Variants in ZNF442 observed in about 807,000 individuals in gnomAD.
ZNF442 encodes zinc finger protein 442.
A neutral mutation model predicts 57.0 loss-of-function variants in ZNF442; 45 were observed. That is an observed-to-expected ratio of 0.79 (90% CI 0.62 to 1.01). The LOEUF (loss-of-function observed/expected upper bound fraction) is 1.01. Ranked by LOEUF, ZNF442 falls within the 50% of genes least tolerant of loss-of-function variation. The pLI, the probability that ZNF442 is intolerant of heterozygous loss-of-function variation, is 0.00. For synonymous variants in ZNF442, 213 were observed against 241.8 expected (o/e 0.88, Z 1.10); for missense variants, 690 against 756.5 (o/e 0.91, Z 1.03).
At chr19:12,366,368 T>C (rs142859571), upstream of ZNF442, among the ~76,000 whole-genome samples, 1,007 of 152,280 alleles carry the variant, frequency 6.6e-3, 21 homozygotes, top group African/African-American at 0.023. Flanking sequence ...ATTTTCAAGC[T>C]TAGAAGGCAG....
At chr19:12,373,045 T>A in the ZNF442 span, among the ~76,000 whole-genome samples, 2 of 152,206 alleles carry the variant, frequency 1.3e-5, no homozygotes, top group Non-Finnish European at 2.9e-5. Context: ...GTGCTGGGAT[T>A]ACAGGTGTCA....
At chr19:12,360,433 A>C (rs1349454209) in intron 3 of ZNF442, among the ~76,000 whole-genome samples, 3 of 152,200 alleles carry the variant, frequency 2.0e-5, no homozygotes, top group Non-Finnish European at 4.4e-5. Context: ...GTGGGCCTTC[A>C]ATAACCTCCC....
chr19:12,362,054 T>A (rs1441696629), intron 3 of ZNF442, among the ~76,000 whole-genome samples: 3 of 152,166 alleles, frequency 2.0e-5, no homozygotes, highest in Non-Finnish European at 4.4e-5. Context: ...TGCAATGGCG[T>A]GATCTCGGCT....
At chr19:12,355,936 G>A (rs1969321053) in intron 3 of ZNF442, among the ~76,000 whole-genome samples, 1 of 152,052 alleles carries the variant, frequency 6.6e-6, no homozygotes, top group African/African-American at 2.4e-5. Flanking sequence ...GGGAAGCAGA[G>A]GCTGCAGAGA....
chr19:12,351,116 GT>G lies in ZNF442; in HGVS notation c.468del (p.Lys156AsnfsTer45). ...QEYGEKPHTH[K>X]QCGTAFNYHH... ...TGATAATTGAAGGCTGTCCCACATT[GT>G]TTATGTGTATGTGGCTTCTCTCCAT... On this transcript the variant is annotated frameshift_variant, in exon 6 of 6. Transcript: ENST00000242804. LOFTEE classifies it high-confidence loss of function. The G allele has an allele frequency of 6.2e-7, 1 of 1,614,122 alleles. No homozygotes were observed. Among genetic ancestry groups the G allele is most frequent in the Non-Finnish European group, 8.5e-7 (1 of 1,180,016 alleles).
At chr19:12,357,349 C>CTTTTTTTTTTTTT (rs5827145) in intron 3 of ZNF442, among the ~76,000 whole-genome samples, 1 of 95,368 alleles carries the variant, frequency 1.0e-5, no homozygotes, top group Non-Finnish European at 2.0e-5. Context: ...CTTTTTCTTT[C>CTTTTTTTTTTTTT]TTTTTTTTTT....
chr19:12,358,525 A>G (rs948534324), intron 3 of ZNF442, among the ~76,000 whole-genome samples: 2 of 152,118 alleles, frequency 1.3e-5, no homozygotes, highest in African/African-American at 4.8e-5. Context: ...TGGTGTACTG[A>G]TTTCTTTTCC....
At chr19:12,366,835 A>AT (rs2144853280), upstream of ZNF442, among the ~76,000 whole-genome samples, 1 of 152,268 alleles carries the variant, frequency 6.6e-6, no homozygotes, top group African/African-American at 2.4e-5. Context: ...GGGTTTCACC[A>AT]TGTTGCCCAG....
At chr19:12,370,155 G>T (rs1260645917), upstream of ZNF442, among the ~76,000 whole-genome samples, 1 of 151,538 alleles carries the variant, frequency 6.6e-6, no homozygotes, top group South Asian at 2.1e-4. Flanking sequence ...TGTACAGCTC[G>T]CCATACTATA....
chr19:12,349,572 A>C lies in ZNF442; in HGVS notation c.*129T>G. On this transcript the variant is annotated 3_prime_UTR_variant, in exon 6 of 6. Coordinates refer to ENST00000242804, the MANE Select transcript of ZNF442 (RefSeq NM_030824.3). ...TGGAACCAATCCCCTGCATATGGTT[A>C]GGGGATAACCATATTCAAAAGAAAC... 1 of 934,160 alleles carries C rather than the reference A, an allele frequency of 1.1e-6. No homozygotes were observed. The highest frequency in any genetic ancestry group is 1.6e-6 in the Non-Finnish European group (1 of 640,700). 57.9% of individuals were successfully genotyped at this position (934,160 alleles called of 1,614,324 possible).
At position 12,350,419 on chromosome 19, in the gene ZNF442, T is replaced by C. The variant is rs145069346; in HGVS notation, c.1166A>G (p.His389Arg). 3.3e-5 allele frequency: 54 copies of C among 1,613,472 alleles called. No homozygotes were observed. The African/African-American group carries it at 5.4e-4, about 16-fold the overall frequency. ...CKQCGKALSH[H>R]SSFRSHMIMH... The stretch of plus-strand genomic sequence containing the variant: ...TATCATATGACTTCGAAAGCTTGAG[T>C]GATGAGATAACGCTTTCCCACACTG... The change falls in exon 6 of 6, where the codon CAC (histidine) becomes CGC (arginine). Residue 389 changes from histidine (H) to arginine (R), a missense_variant. Coordinates refer to ENST00000242804, the MANE Select transcript of ZNF442 (RefSeq NM_030824.3).
chr19:12,367,679 T>A (rs542224214), upstream of ZNF442, among the ~76,000 whole-genome samples: 56 of 144,948 alleles, frequency 3.9e-4, no homozygotes, highest in African/African-American at 1.5e-3. Context: ...TTATATATAT[T>A]TTTTTGAGAC....
intron 3 of ZNF442, among the ~76,000 whole-genome samples, chr19:12,358,987 T>C (rs990880065): frequency 3.3e-5 from 5 of 152,094 alleles, no homozygotes; most frequent in African/African-American, 4.8e-5. Flanking sequence ...CTGCTTAAGG[T>C]TGTCAGTTTG....
At chr19:12,354,422 G>T (rs1015240100) in intron 3 of ZNF442, among the ~76,000 whole-genome samples, 2 of 152,150 alleles carry the variant, frequency 1.3e-5, no homozygotes, top group South Asian at 4.1e-4. Flanking sequence ...CATGAATATC[G>T]ATAATATTCC....
Position 12,350,524 on chromosome 19 carries a change from C to T in ZNF442, c.1061G>A (p.Cys354Tyr). 6.2e-7 allele frequency: 1 copy of T among 1,614,090 alleles called. No homozygotes were observed. Among genetic ancestry groups the T allele is most frequent in the Non-Finnish European group, 8.5e-7 (1 of 1,180,014 alleles). ...ACTAGGACAATCAAAGCCTTTCCCACATATCTTACATTTATGAGGTCCATC... is the reference window on the plus strand; with the variant it reads ...ACTAGGACAATCAAAGCCTTTCCCATATATCTTACATTTATGAGGTCCATC... Reference protein sequence around the residue: ...TGDGPHKCKICGKGFDCPSSL... With the variant: ...TGDGPHKCKIYGKGFDCPSSL... Residue 354 changes from cysteine to tyrosine, a missense_variant, in exon 6 of 6, where the codon TGT becomes TAT. By Grantham distance (194) the Cys-to-Tyr change is radical. Transcript: ENST00000242804.
In ZNF442 at chr19:12,363,606, C is replaced by T; in HGVS notation, c.26G>A (p.Arg9Lys). The T allele has an allele frequency of 6.2e-7, 1 of 1,614,256 alleles. No individual in the cohort carries two copies. The highest frequency in any genetic ancestry group is 8.5e-7 in the Non-Finnish European group (1 of 1,180,040). ...AGAGTCAGGAAGGAAGAGATCACTT[C>T]TGTCTTCTCCCCCAAATACAATCAT... Reference protein sequence around the residue: MIVFGGEDRSDLFLPDSQT... With the variant: MIVFGGEDKSDLFLPDSQT... Residue 9 changes from arginine (R) to lysine (K), a missense_variant, in exon 3 of 6, where the codon AGA becomes AAA. By Grantham distance (26) the Arg-to-Lys change is conservative. Coordinates refer to ENST00000242804, the MANE Select transcript of ZNF442 (RefSeq NM_030824.3).
intron 2 of ZNF442, among the ~76,000 whole-genome samples, chr19:12,364,524 G>A (rs990615534): frequency 6.6e-6 from 1 of 152,062 alleles, no homozygotes; most frequent in Non-Finnish European, 1.5e-5. Context: ...GAGGAGGGAG[G>A]AGTTCATGAT....
At position 12,351,289 on chromosome 19, in the gene ZNF442, C is replaced by T. The variant is rs1356933783; in HGVS notation, c.296G>A (p.Ser99Asn). 1.2e-6 allele frequency: 2 copies of T among 1,613,606 alleles called. No homozygotes were observed. Among genetic ancestry groups the T allele is most frequent in the Admixed American group, 1.7e-5 (1 of 59,980 alleles). ...RCHIIERFSESRQPDSTVNEK... is the reference protein window; with the variant it reads ...RCHIIERFSENRQPDSTVNEK... ...ATTCACAGTACTATCTGGCTGGCGA[C>T]TTTCACTAAATCTCTCTATGATATG... Residue 99 changes from serine to asparagine, a missense_variant, in exon 6 of 6, where the codon AGT (serine) becomes AAT (asparagine). Ser to Asn is a conservative substitution (Grantham distance 46). Transcript: ENST00000242804.
At chr19:12,372,196 C>A in the ZNF442 span, among the ~76,000 whole-genome samples, 1 of 152,188 alleles carries the variant, frequency 6.6e-6, no homozygotes, top group Admixed American at 6.5e-5. Flanking sequence ...GAGGCTCACA[C>A]CTGTAATCCC....
Sources: gnomAD v4.1 joint callset for allele counts (sites outside exome capture counted in the v4.1 genomes callset) on GRCh38, gnomAD v4.1.1 for gene constraint, MANE v1.5 for transcripts, NCBI Gene and HGNC (gene_info 2026-07-23, HGNC 2026-07-21) for gene names.